Variants in KHDRBS2 observed in about 807,000 individuals in gnomAD.
The protein encoded by KHDRBS2 is KH domain-containing, RNA-binding, signal transduction-associated protein 2.
In KHDRBS2, 26 loss-of-function variants were observed where a neutral mutation model predicts 44.3. The ratio of observed to expected loss-of-function variants is 0.59; its 90% CI spans 0.43 to 0.81. KHDRBS2 has a LOEUF of 0.81. KHDRBS2 is among the 40% of genes least tolerant of loss of function. KHDRBS2 has a pLI of 0.00. For missense variants in KHDRBS2, 476 were observed against 433.1 expected, an observed-to-expected ratio of 1.10 and a Z score of -0.88; for synonymous variants, 194 against 151.1, an observed-to-expected ratio of 1.28 and a Z score of -2.08.
intron 2 of KHDRBS2, among the ~76,000 whole-genome samples, chr6:62,094,499 G>A (rs1800151964): frequency 6.6e-6 from 1 of 151,738 alleles, no homozygotes; most frequent in Admixed American, 6.6e-5. Flanking sequence ...TCTTTGCTCT[G>A]TTGATTATTT....
chr6:61,689,415 C>A (rs574970178), intron 8 of KHDRBS2, among the ~76,000 whole-genome samples: 3 of 152,074 alleles, frequency 2.0e-5, no homozygotes, highest in East Asian at 3.9e-4. Flanking sequence ...AGCCTGGAGT[C>A]CCCCAAACTT....
chr6:61,801,613 C>T (rs1786292068), intron 6 of KHDRBS2, among the ~76,000 whole-genome samples: 4 of 152,018 alleles, frequency 2.6e-5, no homozygotes, highest in Admixed American at 2.6e-4. Flanking sequence ...GCCGCTGCTC[C>T]CTATCTTCTA....
At chr6:61,751,010 A>G (rs1049809686) in intron 6 of KHDRBS2, among the ~76,000 whole-genome samples, 3 of 152,128 alleles carry the variant, frequency 2.0e-5, no homozygotes, top group African/African-American at 7.2e-5. Flanking sequence ...TTATGTCATA[A>G]TATAGTAAAA....
At chr6:61,803,530 A>G (rs748849486) in intron 6 of KHDRBS2, among the ~76,000 whole-genome samples, 3 of 152,176 alleles carry the variant, frequency 2.0e-5, no homozygotes, top group Non-Finnish European at 4.4e-5. Flanking sequence ...TACACATATT[A>G]TCTCATTTAA....
chr6:61,556,011 AG>A, the KHDRBS2 span, among the ~76,000 whole-genome samples: 1 of 152,214 alleles, frequency 6.6e-6, no homozygotes, highest in Non-Finnish European at 1.5e-5. Context: ...TGCCAGCTGC[AG>A]TGGCAGCATT....
intron 1 of KHDRBS2, among the ~76,000 whole-genome samples, chr6:62,231,287 G>A (rs377360363): frequency 6.6e-6 from 1 of 152,170 alleles, no homozygotes; most frequent in East Asian, 1.9e-4. Flanking sequence ...AATTCTGCAT[G>A]GTTGGGAGAC....
At chr6:61,542,705 A>C in the KHDRBS2 span, among the ~76,000 whole-genome samples, 1 of 151,970 alleles carries the variant, frequency 6.6e-6, no homozygotes, top group Non-Finnish European at 1.5e-5. Flanking sequence ...CAGAGTGTTT[A>C]TTATTTACAA....
chr6:61,821,693 T>C (rs1042328754), intron 6 of KHDRBS2, among the ~76,000 whole-genome samples: 3 of 151,972 alleles, frequency 2.0e-5, no homozygotes, highest in East Asian at 1.9e-4. Context: ...AGTTTTTTTT[T>C]CCACTTATAA....
the KHDRBS2 span, among the ~76,000 whole-genome samples, chr6:61,638,235 C>A: frequency 6.6e-6 from 1 of 152,064 alleles, no homozygotes; most frequent in Non-Finnish European, 1.5e-5. Context: ...CTGGAGGCAT[C>A]ACACTACCTG....
At chr6:61,839,340 A>C (rs114876886) in intron 6 of KHDRBS2, among the ~76,000 whole-genome samples, 1,971 of 152,000 alleles carry the variant, frequency 0.013, 47 homozygotes, top group African/African-American at 0.045. Flanking sequence ...TCCATTAAAT[A>C]CTCTGTGCCT....
chr6:62,151,339 A>G (rs1270173963), intron 2 of KHDRBS2, among the ~76,000 whole-genome samples: 1 of 152,194 alleles, frequency 6.6e-6, no homozygotes, highest in Non-Finnish European at 1.5e-5. Flanking sequence ...CACACAATCC[A>G]TCTGTTTCTA....
chr6:61,956,284 G>T (rs1583774876), intron 4 of KHDRBS2, among the ~76,000 whole-genome samples: 1 of 152,266 alleles, frequency 6.6e-6, no homozygotes, highest in Middle Eastern at 3.4e-3. Flanking sequence ...ATGTAATTCT[G>T]ATTCTTGTGA....
chr6:61,663,929 A>G, the KHDRBS2 span, among the ~76,000 whole-genome samples: 144,463 of 151,686 alleles, frequency 0.95, 68,839 homozygotes, highest in East Asian at 0.99. Flanking sequence ...ATGTACACTC[A>G]TGTAAAAATG....
rs367785068 is a variant in KHDRBS2 at position 61,782,495 on chromosome 6, TA to T, written c.811-49732del. On this transcript the variant is annotated intron_variant, in intron 6 of 8. Coordinates refer to ENST00000281156, the MANE Select transcript of KHDRBS2 (RefSeq NM_152688.4). Reference sequence around the variant, plus strand: ...TGATTTATATAAATACAGACAAATCTAAATCTCAATAAACGATCACAGATGA... The same window carrying T: ...TGATTTATATAAATACAGACAAATCTAATCTCAATAAACGATCACAGATGA... Among the ~76,000 whole-genome samples the T allele has an allele frequency of 2.4e-3, 361 of 151,976 alleles. 2 individuals are homozygous for T. Among genetic ancestry groups the T allele is most frequent in the African/African-American group, 8.0e-3 (330 of 41,508 alleles).
chr6:61,909,496 A>G (rs1367078845), intron 4 of KHDRBS2, among the ~76,000 whole-genome samples: 1 of 152,240 alleles, frequency 6.6e-6, no homozygotes, highest in Non-Finnish European at 1.5e-5. Flanking sequence ...AAAGATATTC[A>G]CAATAATTTT....
chr6:61,833,976 T>C (rs1792249120), intron 6 of KHDRBS2, among the ~76,000 whole-genome samples: 1 of 152,112 alleles, frequency 6.6e-6, no homozygotes, highest in African/African-American at 2.4e-5. Flanking sequence ...AGGCTACATA[T>C]GGATATAAAA....
At chr6:61,611,829 C>G in the KHDRBS2 span, among the ~76,000 whole-genome samples, 1 of 152,202 alleles carries the variant, frequency 6.6e-6, no homozygotes, top group African/African-American at 2.4e-5. Context: ...ACCTTCCTCT[C>G]TATTCCTCCC....
chr6:62,017,583 C>G (rs1781438930), intron 3 of KHDRBS2, among the ~76,000 whole-genome samples: 1 of 152,078 alleles, frequency 6.6e-6, no homozygotes, highest in Non-Finnish European at 1.5e-5. Flanking sequence ...ATGATACCTA[C>G]TACTATCTTC....
At chr6:61,574,085 T>C in the KHDRBS2 span, among the ~76,000 whole-genome samples, 1 of 152,094 alleles carries the variant, frequency 6.6e-6, no homozygotes, top group Non-Finnish European at 1.5e-5. Context: ...GCAAGCCATA[T>C]GTAAAAAAAT....
Sources: allele counts gnomAD v4.1 joint callset (sites outside exome capture counted in the v4.1 genomes callset), GRCh38; gene constraint gnomAD v4.1.1; transcripts MANE v1.5; gene names NCBI Gene and HGNC (gene_info 2026-07-23, HGNC 2026-07-21).